The following CAMK2D variants were observed in gnomAD, a reference collection of about 807,000 sequenced individuals.
CAMK2D encodes the protein calcium/calmodulin dependent protein kinase II delta, also known as calcium/calmodulin-dependent protein kinase type II subunit delta.
In CAMK2D, 37 loss-of-function variants were observed where a neutral mutation model predicts 84.0. The ratio of observed to expected loss-of-function variants is 0.44; its 90% CI spans 0.34 to 0.58. The LOEUF (loss-of-function observed/expected upper bound fraction) is 0.58. Among genes scored for constraint, CAMK2D ranks in the 20% least tolerant of loss-of-function variants. The pLI, the probability that CAMK2D is intolerant of heterozygous loss-of-function variation, is 0.02. For synonymous variants in CAMK2D, 202 were observed against 212.5 expected (o/e 0.95, Z 0.43); for missense variants, 448 against 652.5 (o/e 0.69, Z 3.41).
chr4:113,714,224 T>A (rs901743056), intron 2 of CAMK2D, among the ~76,000 whole-genome samples: 1 of 152,038 alleles, frequency 6.6e-6, no homozygotes, highest in African/African-American at 2.4e-5. Flanking sequence ...CATATGTGGA[T>A]CCATTTTCAG....
At chr4:113,566,708 G>A (rs1179409190) in intron 4 of CAMK2D, among the ~76,000 whole-genome samples, 1 of 151,986 alleles carries the variant, frequency 6.6e-6, no homozygotes, top group East Asian at 1.9e-4. Context: ...ATTTTCTCAG[G>A]GCTGTACCCA....
chr4:113,575,338 G>T (rs768075060), intron 4 of CAMK2D, among the ~76,000 whole-genome samples: 1 of 151,974 alleles, frequency 6.6e-6, no homozygotes, highest in East Asian at 1.9e-4. Flanking sequence ...TTAGGGACAG[G>T]GCTATTTTCT....
At chr4:113,559,603 C>A (rs562011129) in intron 4 of CAMK2D, among the ~76,000 whole-genome samples, 1 of 152,370 alleles carries the variant, frequency 6.6e-6, no homozygotes, top group South Asian at 2.1e-4. Flanking sequence ...TTAGGCTGAA[C>A]CTTCCTGTGC....
At chr4:113,647,556 T>C (rs1267721193) in intron 3 of CAMK2D, among the ~76,000 whole-genome samples, 3 of 152,278 alleles carry the variant, frequency 2.0e-5, no homozygotes, top group African/African-American at 7.2e-5. Flanking sequence ...AGGGCTCTTC[T>C]GTGCATTGTA....
At chr4:113,463,511 G>C (rs1332011753) in intron 17 of CAMK2D, among the ~76,000 whole-genome samples, 1 of 152,058 alleles carries the variant, frequency 6.6e-6, no homozygotes, top group Non-Finnish European at 1.5e-5. Context: ...CAAGTAGCTG[G>C]GATTACAGGC....
chr4:113,753,793 G>A (rs1277671679), intron 2 of CAMK2D: 1 of 975,484 alleles, frequency 1.0e-6, no homozygotes, highest in Admixed American at 6.3e-5. Context: ...TTTCGGTTGG[G>A]TGGGGGCGGG....
At chr4:113,684,366 C>T (rs2099353754) in intron 2 of CAMK2D, among the ~76,000 whole-genome samples, 1 of 152,080 alleles carries the variant, frequency 6.6e-6, no homozygotes, top group African/African-American at 2.4e-5. Flanking sequence ...GTATGTATCT[C>T]CAAATCTCTT....
At chr4:113,500,260 G>T (rs2098016083) in intron 16 of CAMK2D, among the ~76,000 whole-genome samples, 1 of 151,980 alleles carries the variant, frequency 6.6e-6, no homozygotes, top group African/African-American at 2.4e-5. Flanking sequence ...ATATATAAAA[G>T]AATATGTAGG....
At chr4:113,754,567 G>A (rs930820742) in intron 2 of CAMK2D, 4 of 980,736 alleles carry the variant, frequency 4.1e-6, no homozygotes, top group Non-Finnish European at 4.8e-6. Context: ...ATCAGGTAGA[G>A]GTTTACACTA....
intron 3 of CAMK2D, among the ~76,000 whole-genome samples, chr4:113,650,579 T>A (rs556735855): frequency 1.3e-5 from 2 of 151,894 alleles, no homozygotes; most frequent in African/African-American, 4.8e-5. Context: ...AAATTAACAT[T>A]TCATTTATTA....
chr4:113,494,734 C>G (rs1217445384), intron 16 of CAMK2D, among the ~76,000 whole-genome samples: 1 of 152,192 alleles, frequency 6.6e-6, no homozygotes, highest in African/African-American at 2.4e-5. Flanking sequence ...CGCCCCTCCC[C>G]CAGCCTCGCT....
intron 3 of CAMK2D, among the ~76,000 whole-genome samples, chr4:113,655,601 C>G (rs912667741): frequency 3.3e-5 from 5 of 152,080 alleles, no homozygotes; most frequent in African/African-American, 1.2e-4. Context: ...CTTGCTCTTT[C>G]TAAAGTCTAC....
chr4:113,605,603 G>A (rs2098973526), intron 4 of CAMK2D, among the ~76,000 whole-genome samples: 1 of 152,122 alleles, frequency 6.6e-6, no homozygotes, highest in South Asian at 2.1e-4. Flanking sequence ...ACCTTGATCT[G>A]CAAAACAAAG....
At chr4:113,491,611 T>G (rs554502024) in intron 16 of CAMK2D, among the ~76,000 whole-genome samples, 4,315 of 152,218 alleles carry the variant, frequency 0.028, 209 homozygotes, top group African/African-American at 0.096. Flanking sequence ...TCTCTTTTTT[T>G]GTTGTGTCTC....
intron 3 of CAMK2D, among the ~76,000 whole-genome samples, chr4:113,627,909 CA>C (rs1216150567): frequency 6.6e-6 from 1 of 152,140 alleles, no homozygotes; most frequent in African/African-American, 2.4e-5. Flanking sequence ...GATGGGATTA[CA>C]AATAAATTTT....
chr4:113,731,610 G>T (rs1249350602), intron 2 of CAMK2D, among the ~76,000 whole-genome samples: 2 of 129,208 alleles, frequency 1.5e-5, no homozygotes, highest in African/African-American at 6.0e-5. Context: ...TTTTGAGACA[G>T]AGTCTCACTC....
chr4:113,568,717 T>C (rs1329722023), intron 4 of CAMK2D, among the ~76,000 whole-genome samples: 1 of 152,218 alleles, frequency 6.6e-6, no homozygotes, highest in African/African-American at 2.4e-5. Context: ...CCAACTTCTC[T>C]ATATCCTGGC....
chr4:113,712,607 T>C (rs1299563239), intron 2 of CAMK2D, among the ~76,000 whole-genome samples: 1 of 152,124 alleles, frequency 6.6e-6, no homozygotes, highest in African/African-American at 2.4e-5. Flanking sequence ...ACGGCTCCTC[T>C]TCCTATGCCT....
At chr4:113,717,351 C>G (rs1171563533) in intron 2 of CAMK2D, among the ~76,000 whole-genome samples, 1 of 151,844 alleles carries the variant, frequency 6.6e-6, no homozygotes, top group African/African-American at 2.4e-5. Context: ...CTTTGCTGGT[C>G]TCTACCCAAT....
Sources: gnomAD v4.1 joint callset for allele counts (sites outside exome capture counted in the v4.1 genomes callset) on GRCh38, gnomAD v4.1.1 for gene constraint, MANE v1.5 for transcripts, NCBI Gene and HGNC (gene_info 2026-07-23, HGNC 2026-07-21) for gene names.